FAHD2B: variants seen among roughly 807,000 people sequenced by gnomAD.
FAHD2B encodes the protein fumarylacetoacetate hydrolase domain containing 2B.
Under a neutral mutation model 33.7 loss-of-function variants are expected in FAHD2B, and 26 were observed. The ratio of observed to expected loss-of-function variants is 0.77; its 90% CI spans 0.57 to 1.07. FAHD2B has a LOEUF of 1.07. Among genes scored for constraint, FAHD2B ranks in the 50% least tolerant of loss-of-function variants. The probability of loss-of-function intolerance (pLI) is 0.00; values close to 1 mark genes in which losing one functional copy is unlikely to be tolerated. For synonymous variants in FAHD2B, 108 were observed against 150.9 expected (o/e 0.72, Z 2.08); for missense variants, 272 against 388.1 (o/e 0.70, Z 2.51).
At chr2:97,088,898 C>T (rs1266313132) in intron 4 of FAHD2B, among the ~76,000 whole-genome samples, 1 of 151,794 alleles carries the variant, frequency 6.6e-6, no homozygotes. Flanking sequence ...CACCCCAACC[C>T]CTGCCAAAAA....
At chr2:97,085,170 C>T (rs542743750) in intron 6 of FAHD2B, among the ~76,000 whole-genome samples, 10 of 151,470 alleles carry the variant, frequency 6.6e-5, no homozygotes, top group African/African-American at 2.2e-4. Context: ...CCTGGCATGG[C>T]TGGCCCATGT....
At chr2:97,085,471 C>T (rs554375727) in intron 6 of FAHD2B, among the ~76,000 whole-genome samples, 290 of 152,060 alleles carry the variant, frequency 1.9e-3, no homozygotes, top group Non-Finnish European at 3.6e-3. Context: ...ATTTACTTCA[C>T]GCATGCAGTT....
downstream of FAHD2B, among the ~76,000 whole-genome samples, chr2:97,078,842 G>T (rs2031563082): frequency 1.3e-5 from 2 of 152,092 alleles, no homozygotes; most frequent in East Asian, 1.9e-4. Context: ...GGAGTTTGTT[G>T]TACATATTAT....
At chr2:97,083,169 A>G (rs2031720342), downstream of FAHD2B, 3 of 1,597,660 alleles carry the variant, frequency 1.9e-6, no homozygotes, top group African/African-American at 1.3e-5. Context: ...CGAGCCCTGC[A>G]GGCCCCAGGC....
At chr2:97,080,241 T>C (rs1328831603), downstream of FAHD2B, among the ~76,000 whole-genome samples, 12 of 152,156 alleles carry the variant, frequency 7.9e-5, no homozygotes, top group Non-Finnish European at 8.8e-5. Context: ...CATTTAAGTC[T>C]TTAATTCATC....
intron 6 of FAHD2B, among the ~76,000 whole-genome samples, chr2:97,084,741 C>T (rs1388295567): frequency 6.6e-6 from 1 of 151,958 alleles, no homozygotes; most frequent in Non-Finnish European, 1.5e-5. Context: ...GAGTGCTTGT[C>T]TCTATGCAAA....
Position 97,091,566 on chromosome 2 carries a change from C to T in FAHD2B, c.141G>A (p.Gly47=), listed in dbSNP as rs1287358868. 12 of 1,613,894 alleles carry T rather than the reference C, an allele frequency of 7.4e-6. No individual in the cohort carries two copies. Among genetic ancestry groups the T allele is most frequent in the Non-Finnish European group, 9.3e-6 (11 of 1,180,016 alleles). Residue 47 remains glycine (G), a synonymous_variant, in exon 3 of 9, where the codon GGG becomes GGA. Coordinates refer to ENST00000414820, the MANE Select transcript of FAHD2B (RefSeq NM_001320848.2). ...TGAGGTTGATAACCCCTCCACCATT[C>T]CCTGTCTCCAGGCCCAAGTGAGGCC... The part of the protein sequence containing the change: ...LVGPHLGLET[G]NGGGVINLNA...
At chr2:97,086,050 T>C in intron 5 of FAHD2B, 89 bp downstream of exon 5, 4 of 1,451,158 alleles carry the variant, frequency 2.8e-6, no homozygotes, top group Non-Finnish European at 3.8e-6. Context: ...GCTGGTGCCG[T>C]GTGTCGGTGA....
chr2:97,081,018 A>G, downstream of FAHD2B: 9 of 1,309,170 alleles, frequency 6.9e-6, no homozygotes, highest in Non-Finnish European at 8.0e-6. Flanking sequence ...CTGTGATCCC[A>G]GCACTTCTGG....
downstream of FAHD2B, chr2:97,081,429 T>G: frequency 6.4e-7 from 1 of 1,554,710 alleles, no homozygotes; most frequent in Non-Finnish European, 8.7e-7. Context: ...GGGTGCCTTT[T>G]TCTCCCAGCC....
At chr2:97,088,654 T>C (rs764291962) in intron 4 of FAHD2B, among the ~76,000 whole-genome samples, 6 of 101,734 alleles carry the variant, frequency 5.9e-5, no homozygotes, top group East Asian at 2.1e-4. Flanking sequence ...AAAAAGTCTA[T>C]GGAACCCTGT....
rs1045838711 is a variant in FAHD2B, at chr2:97,090,344, G to A, written c.246-19C>T. Reference sequence around the variant, plus strand: ...CAAGGCTCTGTAGAGACCAGAGCAGGTGAGAGGGTCTGGCTGGGAACAGGT... The same window carrying A: ...CAAGGCTCTGTAGAGACCAGAGCAGATGAGAGGGTCTGGCTGGGAACAGGT... On this transcript the variant is annotated intron_variant, in intron 3 of 8. Transcript: ENST00000414820. The A allele has an allele frequency of 1.9e-6, 3 of 1,559,290 alleles. No homozygotes were observed. The highest frequency in any genetic ancestry group is 1.9e-5 in the Admixed American group (1 of 51,684).
At chr2:97,090,412 G>A in intron 3 of FAHD2B, 87 bp from the exon 4 acceptor site, 1 of 1,472,806 alleles carries the variant, frequency 6.8e-7, no homozygotes, top group Non-Finnish European at 9.0e-7. Context: ...AGCAGCTACA[G>A]GTTTTGCTTT....
downstream of FAHD2B, chr2:97,082,656 C>T (rs1459673220): frequency 6.5e-7 from 1 of 1,548,570 alleles, no homozygotes; most frequent in Non-Finnish European, 8.9e-7. Context: ...TGCCCAGTGG[C>T]TCCCTGTCCT....
chr2:97,079,671 C>CTT (rs1036092146), downstream of FAHD2B, among the ~76,000 whole-genome samples: 1 of 143,822 alleles, frequency 7.0e-6, no homozygotes. Flanking sequence ...CTTTTCTTTT[C>CTT]TTTTTTTTTT....
downstream of FAHD2B, chr2:97,081,495 G>A (rs1420573538): frequency 1.1e-5 from 17 of 1,579,688 alleles, no homozygotes; most frequent in Admixed American, 3.6e-5. Flanking sequence ...CATCCAATGC[G>A]GGCTCCTGGT....
intron 4 of FAHD2B, 88 bp from the exon 5 acceptor site, chr2:97,086,286 G>A: frequency 7.1e-6 from 11 of 1,542,640 alleles, no homozygotes; most frequent in Non-Finnish European, 9.7e-6. Context: ...ATCTCTGTCA[G>A]TATGGCTTGG....
chr2:97,084,727 C>T (rs774792934), intron 6 of FAHD2B, among the ~76,000 whole-genome samples: 1 of 151,912 alleles, frequency 6.6e-6, no homozygotes, highest in Non-Finnish European at 1.5e-5. Context: ...CTGGGTAACA[C>T]AGTGAGTGCT....
intron 1 of FAHD2B, among the ~76,000 whole-genome samples, chr2:97,094,345 C>T (rs2032534022): frequency 6.8e-6 from 1 of 147,560 alleles, no homozygotes; most frequent in Non-Finnish European, 1.5e-5. Context: ...ACGTCAGGTG[C>T]CCAAGGTACT....
Sources: allele counts gnomAD v4.1 joint callset (sites outside exome capture counted in the v4.1 genomes callset), GRCh38; gene constraint gnomAD v4.1.1; transcripts MANE v1.5; gene names NCBI Gene and HGNC (gene_info 2026-07-23, HGNC 2026-07-21).